USP27X: variants seen among roughly 807,000 people sequenced by gnomAD.
The protein encoded by USP27X is ubiquitin specific peptidase 27 X-linked, also known as ubiquitin carboxyl-terminal hydrolase 27.
For missense variants in USP27X, 161 were observed against 341.0 expected, an observed-to-expected ratio of 0.47 and a Z score of 4.16; for synonymous variants, 109 against 141.5, an observed-to-expected ratio of 0.77 and a Z score of 1.63.
Position 49,881,135 on chromosome X carries a change from A to G in USP27X, c.828A>G (p.Leu276=). ...GGAGGTTTACGAGGCCAGAGCACTT[A>G]GGAAGCAGTGCCAAAATCAAATGTG... ...CLRRFTRPEH[L]GSSAKIKCGS... The change falls in exon 1 of 1, where the codon TTA becomes TTG. Residue 276 remains leucine (L), a synonymous_variant. Transcript: ENST00000621775. 2 of 1,168,486 alleles carry G rather than the reference A, an allele frequency of 1.7e-6. No individual in the cohort carries two copies. Among genetic ancestry groups the G allele is most frequent in the African/African-American group, 3.6e-5 (2 of 56,331 alleles).
Position 49,879,642 on chromosome X carries a change from A to G in USP27X, c.-666A>G, listed in dbSNP as rs1330304327. On this transcript the variant is annotated 5_prime_UTR_variant, in exon 1 of 1. Coordinates refer to ENST00000621775, the MANE Select transcript of USP27X (RefSeq NM_001145073.3). ...GGTGGACGCCACCGAGAAGGTGGAG[A>G]CGGCGGGGAAGGTGGACGCCGCTGG... Among the ~76,000 whole-genome samples the G allele has an allele frequency of 2.8e-5, 3 of 106,599 alleles. No homozygotes were observed. In the Admixed American group the frequency reaches 3.2e-4, roughly 11 times the overall value. The allele number at this position is 106,599 out of a possible 115,157, so 92.6% of individuals were successfully genotyped here. A position where few individuals can be genotyped will look rare whatever the true frequency, so the allele number is the denominator to read the frequency against.
rs1244611471 is a variant in USP27X at position 49,879,486 on chromosome X, G to C, written c.-822G>C. Among the ~76,000 whole-genome samples, 1 of 111,632 alleles carries C rather than the reference G, an allele frequency of 9.0e-6. No individual in the cohort carries two copies. Among genetic ancestry groups the C allele is most frequent in the Non-Finnish European group, 1.9e-5 (1 of 52,846 alleles). Reference sequence around the variant, plus strand: ...GCCCGAGCCCTGCGAGCAGGGGGAGGAGCCGCCGCCAGTGGAGGCGGAGGA... The same window carrying C: ...GCCCGAGCCCTGCGAGCAGGGGGAGCAGCCGCCGCCAGTGGAGGCGGAGGA... On this transcript the variant is annotated 5_prime_UTR_variant, in exon 1 of 1. Coordinates refer to ENST00000621775, the MANE Select transcript of USP27X (RefSeq NM_001145073.3).
At position 49,880,817 on chromosome X, in the gene USP27X, T is replaced by G; in HGVS notation, c.510T>G (p.Ile170Met). The change falls in exon 1 of 1, where the codon ATT becomes ATG. Residue 170 changes from isoleucine to methionine, a missense_variant. Coordinates refer to ENST00000621775, the MANE Select transcript of USP27X (RefSeq NM_001145073.3). Reference sequence around the variant, plus strand: ...AACAGGATGCCCACGAGTTCCTCATTGCAGCGTTAGATGTCCTGCACAGGC... The same window carrying G: ...AACAGGATGCCCACGAGTTCCTCATGGCAGCGTTAGATGTCCTGCACAGGC... ...YRQQDAHEFL[I>M]AALDVLHRHC... is the part of the protein sequence containing the mutation. 1 of 1,191,781 alleles carries G rather than the reference T, an allele frequency of 8.4e-7. No individual in the cohort carries two copies. Among genetic ancestry groups the G allele is most frequent in the Non-Finnish European group, 1.1e-6 (1 of 884,845 alleles).
At position 49,880,852 on chromosome X, in the gene USP27X, GTGA is replaced by G; in HGVS notation, c.551_553del (p.Asp184del). ...GATGTCCTGCACAGGCACTGCAAAGGTGATGATGTCGGGAAGGCGGCCAACAAT... is the reference window on the plus strand; with the variant it reads ...GATGTCCTGCACAGGCACTGCAAAGGTGATGTCGGGAAGGCGGCCAACAAT... On this transcript the variant is annotated inframe_deletion, in exon 1 of 1. Transcript: ENST00000621775. 8.3e-7 allele frequency: 1 copy of G among 1,206,962 alleles called. No individual in the cohort carries two copies. The highest frequency in any genetic ancestry group is 1.1e-6 in the Non-Finnish European group (1 of 892,959).
In USP27X at chrX:49,880,860, G is replaced by A. The variant is rs1336584708; in HGVS notation, c.553G>A (p.Val185Ile). The A allele has an allele frequency of 6.6e-6, 8 of 1,206,753 alleles. No individual in the cohort carries two copies. The highest frequency in any genetic ancestry group is 1.8e-5 in the South Asian group (1 of 55,987). The change falls in exon 1 of 1, where the codon GTC becomes ATC. Residue 185 changes from valine to isoleucine, a missense_variant. By Grantham distance (29) the Val-to-Ile change is conservative (BLOSUM62 3). Coordinates refer to ENST00000621775, the MANE Select transcript of USP27X (RefSeq NM_001145073.3). ...VLHRHCKGDD[V>I]GKAANNPNHC... ...GCACAGGCACTGCAAAGGTGATGATGTCGGGAAGGCGGCCAACAATCCCAA... is the reference window on the plus strand; with the variant it reads ...GCACAGGCACTGCAAAGGTGATGATATCGGGAAGGCGGCCAACAATCCCAA...
chrX:49,880,623 T>C lies in USP27X; in HGVS notation c.316T>C (p.Phe106Leu). ...LTHTPILRDF[F>L]LSDRHRCEMP... is the part of the protein sequence containing the mutation. Reference sequence around the variant, plus strand: ...CCACACGCCGATACTGAGAGATTTCTTTCTCTCTGACAGGCACCGATGTGA... The same window carrying C: ...CCACACGCCGATACTGAGAGATTTCCTTCTCTCTGACAGGCACCGATGTGA... The change falls in exon 1 of 1, where the codon TTT (phenylalanine) becomes CTT (leucine). Residue 106 changes from phenylalanine (F) to leucine (L), a missense_variant. Coordinates refer to ENST00000621775, the MANE Select transcript of USP27X (RefSeq NM_001145073.3). 8.6e-7 allele frequency: 1 copy of C among 1,168,661 alleles called. No individual in the cohort carries two copies. Among genetic ancestry groups the C allele is most frequent in the Non-Finnish European group, 1.1e-6 (1 of 873,333 alleles).
In USP27X at chrX:49,880,325, A is replaced by G; in HGVS notation, c.18A>G (p.Val6=). 2.6e-6 allele frequency: 3 copies of G among 1,161,351 alleles called. No homozygotes were observed. The highest frequency in any genetic ancestry group is 3.5e-6 in the Non-Finnish European group (3 of 869,000). ...ACTGCTTTATGTGTAAGGACTATGT[A>G]TATGACAAAGACATTGAGCAAATTG... The part of the protein sequence containing the change: MCKDY[V]YDKDIEQIAK... The change falls in exon 1 of 1, where the codon GTA becomes GTG. Residue 6 remains valine (V), a synonymous_variant. Transcript: ENST00000621775.
At position 49,879,627 on chromosome X, in the gene USP27X, A is replaced by C. The variant is rs1318837778; in HGVS notation, c.-681A>C. ...GGAGGCGGCGGGGAAGGTGGACGCC[A>C]CCGAGAAGGTGGAGACGGCGGGGAA... On this transcript the variant is annotated 5_prime_UTR_variant, in exon 1 of 1. Coordinates refer to ENST00000621775, the MANE Select transcript of USP27X (RefSeq NM_001145073.3). Among the ~76,000 whole-genome samples the C allele has an allele frequency of 1.9e-5, 2 of 106,597 alleles. No individual in the cohort carries two copies. Among genetic ancestry groups the C allele is most frequent in the African/African-American group, 6.7e-5 (2 of 29,649 alleles). 92.6% of individuals were successfully genotyped at this position (106,597 alleles called of 115,157 possible).
Position 49,882,485 on chromosome X carries a change from T to C in USP27X, c.*861T>C, listed in dbSNP as rs1356132300. ...GGTTATTGTTAAAGATAAAATGATA[T>C]AAAAATGTGTCAAAGTATAAAGTAA... On this transcript the variant is annotated 3_prime_UTR_variant, in exon 1 of 1. Coordinates refer to ENST00000621775, the MANE Select transcript of USP27X (RefSeq NM_001145073.3). 1 of 122,349 alleles carries C rather than the reference T, an allele frequency of 8.2e-6. No homozygotes were observed. Among genetic ancestry groups the C allele is most frequent in the East Asian group, 2.8e-4 (1 of 3,562 alleles). The allele number at this position is 122,349 out of a possible 1,213,427, so 10.1% of individuals were successfully genotyped here. A position where few individuals can be genotyped will look rare whatever the true frequency, so the allele number is the denominator to read the frequency against.
Position 49,879,520 on chromosome X carries a change from AGGCGGAGAC to A in USP27X, c.-779_-771del, listed in dbSNP as rs1290891599. Among the ~76,000 whole-genome samples, 3 of 110,712 alleles carry A rather than the reference AGGCGGAGAC, an allele frequency of 2.7e-5. No individual in the cohort carries two copies. Among genetic ancestry groups the A allele is most frequent in the Non-Finnish European group, 5.7e-5 (3 of 52,603 alleles). On this transcript the variant is annotated 5_prime_UTR_variant, in exon 1 of 1. Coordinates refer to ENST00000621775, the MANE Select transcript of USP27X (RefSeq NM_001145073.3). ...CCAGTGGAGGCGGAGGAGGTAGAGGAGGCGGAGACGGCGGAGAAGGCGGAGAGGAAGGTG... is the reference window on the plus strand; with the variant it reads ...CCAGTGGAGGCGGAGGAGGTAGAGGAGGCGGAGAAGGCGGAGAGGAAGGTG...
Position 49,880,595 on chromosome X carries a change from C to T in USP27X, c.288C>T (p.Leu96=), listed in dbSNP as rs782380009. 109 of 1,166,832 alleles carry T rather than the reference C, an allele frequency of 9.3e-5. No homozygotes were observed. The East Asian group carries it at 3.4e-3, about 37-fold the overall frequency. ...TCFMNCIVQA[L]THTPILRDFF... is the part of the protein sequence containing the mutation. ...TTATGAACTGCATTGTCCAGGCCCT[C>T]ACCCACACGCCGATACTGAGAGATT... The change falls in exon 1 of 1, where the codon CTC becomes CTT. Residue 96 remains leucine, a synonymous_variant. Transcript: ENST00000621775.
Position 49,880,985 on chromosome X carries a change from C to T in USP27X, c.678C>T (p.Cys226=), listed in dbSNP as rs782641135. 8.3e-7 allele frequency: 1 copy of T among 1,204,520 alleles called. No individual in the cohort carries two copies. The highest frequency in any genetic ancestry group is 1.1e-6 in the Non-Finnish European group (1 of 891,520). Residue 226 remains cysteine (C), a synonymous_variant, in exon 1 of 1, where the codon TGC becomes TGT. Coordinates refer to ENST00000621775, the MANE Select transcript of USP27X (RefSeq NM_001145073.3). ...CHGVSTTIDP[C]WDISLDLPGS... ...GCGTCTCCACCACGATAGACCCATG[C>T]TGGGACATTAGTTTGGACTTGCCTG...
In USP27X at chrX:49,881,249, A is replaced by G. The variant is rs1316639620; in HGVS notation, c.942A>G (p.Glu314=). The change falls in exon 1 of 1, where the codon GAA becomes GAG. Residue 314 remains glutamate (E), a synonymous_variant. Transcript: ENST00000621775. ...VVACFHFKRF[E]HSAKQRRKIT... ...CCTGTTTTCATTTCAAACGGTTTGAACATTCAGCGAAACAGAGGCGCAAGA... is the reference window on the plus strand; with the variant it reads ...CCTGTTTTCATTTCAAACGGTTTGAGCATTCAGCGAAACAGAGGCGCAAGA... 1.8e-5 allele frequency: 21 copies of G among 1,166,943 alleles called. No individual in the cohort carries two copies. Among genetic ancestry groups the G allele is most frequent in the Non-Finnish European group, 2.4e-5 (21 of 873,052 alleles).
Position 49,880,273 on chromosome X carries a change from C to T in USP27X, c.-35C>T. The T allele has an allele frequency of 9.5e-7, 1 of 1,049,606 alleles. No homozygotes were observed. The highest frequency in any genetic ancestry group is 1.3e-6 in the Non-Finnish European group (1 of 789,231). The allele number at this position is 1,049,606 out of a possible 1,213,427, so 86.5% of individuals were successfully genotyped here. ...GCAGAGACGAAACAACACAACTTAG[C>T]AGTAGACCTGTATTACGGAGGTATA... On this transcript the variant is annotated 5_prime_UTR_variant, in exon 1 of 1. Coordinates refer to ENST00000621775, the MANE Select transcript of USP27X (RefSeq NM_001145073.3).
chrX:49,880,487 G>A lies in USP27X; in HGVS notation c.180G>A (p.Leu60=). ...WETTKPELEL[L]GHNPRRRRIT... ...CAACCAAACCAGAATTAGAACTGCT[G>A]GGGCACAACCCGAGGAGAAGAAGAA... is the stretch of plus-strand genomic sequence containing the variant. The change falls in exon 1 of 1, where the codon CTG becomes CTA. Residue 60 remains leucine (L), a synonymous_variant. Coordinates refer to ENST00000621775, the MANE Select transcript of USP27X (RefSeq NM_001145073.3). 8.6e-7 allele frequency: 1 copy of A among 1,167,901 alleles called. No individual in the cohort carries two copies. Among genetic ancestry groups the A allele is most frequent in the Non-Finnish European group, 1.1e-6 (1 of 873,056 alleles).
Position 49,880,628 on chromosome X carries a change from C to G in USP27X, c.321C>G (p.Leu107=). 8.6e-7 allele frequency: 1 copy of G among 1,168,549 alleles called. No homozygotes were observed. Among genetic ancestry groups the G allele is most frequent in the African/African-American group, 1.8e-5 (1 of 56,376 alleles). ...THTPILRDFF[L]SDRHRCEMPS... Reference sequence around the variant, plus strand: ...CGCCGATACTGAGAGATTTCTTTCTCTCTGACAGGCACCGATGTGAGATGC... The same window carrying G: ...CGCCGATACTGAGAGATTTCTTTCTGTCTGACAGGCACCGATGTGAGATGC... Residue 107 remains leucine, a synonymous_variant, in exon 1 of 1, where the codon CTC becomes CTG. Coordinates refer to ENST00000621775, the MANE Select transcript of USP27X (RefSeq NM_001145073.3).
At position 49,881,387 on chromosome X, in the gene USP27X, C is replaced by T. The variant is rs782453783; in HGVS notation, c.1080C>T (p.Asn360=). ...AGCTGCCAACCAATAGTGGAAACAA[C>T]GAAAATAAGTATTCCTTGTTTGCTG... The part of the protein sequence containing the change: ...QLQLPTNSGN[N]ENKYSLFAVV... Residue 360 remains asparagine (N), a synonymous_variant, in exon 1 of 1, where the codon AAC becomes AAT. Coordinates refer to ENST00000621775, the MANE Select transcript of USP27X (RefSeq NM_001145073.3). The T allele has an allele frequency of 1.4e-5, 17 of 1,205,220 alleles. No homozygotes were observed. The highest frequency in any genetic ancestry group is 1.7e-5 in the African/African-American group (1 of 57,580).
Position 49,881,099 on chromosome X carries a change from G to A in USP27X, c.792G>A (p.Thr264=). 1 of 1,169,016 alleles carries A rather than the reference G, an allele frequency of 8.6e-7. No homozygotes were observed. The highest frequency in any genetic ancestry group is 1.1e-6 in the Non-Finnish European group (1 of 873,675). The change falls in exon 1 of 1, where the codon ACG becomes ACA. Residue 264 remains threonine, a synonymous_variant. Transcript: ENST00000621775. ...ACATACCAGGAATCACCACCCTCAC[G>A]GACTGCTTGCGGAGGTTTACGAGGC... The part of the protein sequence containing the change: ...ESHIPGITTL[T]DCLRRFTRPE...
Position 49,881,800 on chromosome X carries a change from G to C in USP27X, c.*176G>C. ...AGAAATAGAAGGGGAGGGAGAAGAG[G>C]CTCTAGTCTAAGCAGTTGATGAAAG... On this transcript the variant is annotated 3_prime_UTR_variant, in exon 1 of 1. Transcript: ENST00000621775. The C allele has an allele frequency of 2.2e-6, 1 of 444,483 alleles. No individual in the cohort carries two copies. Among genetic ancestry groups the C allele is most frequent in the Non-Finnish European group, 3.9e-6 (1 of 255,308 alleles). The allele number at this position is 444,483 out of a possible 1,213,427, so 36.6% of individuals were successfully genotyped here.
Sources: allele counts gnomAD v4.1 joint callset (sites outside exome capture counted in the v4.1 genomes callset), GRCh38; gene constraint gnomAD v4.1.1; transcripts MANE v1.5; gene names NCBI Gene and HGNC (gene_info 2026-07-23, HGNC 2026-07-21).